The following RASGRF2 variants were observed in gnomAD, a reference collection of about 807,000 sequenced individuals.
RASGRF2 encodes ras-specific guanine nucleotide-releasing factor 2.
Under a neutral mutation model 151.0 loss-of-function variants are expected in RASGRF2, and 76 were observed. The observed-to-expected ratio is 0.50, with a 90% CI of 0.42 to 0.61. The LOEUF is 0.61. RASGRF2 is among the 20% of genes least tolerant of loss of function. The pLI, the probability that RASGRF2 is intolerant of heterozygous loss-of-function variation, is 0.00. For synonymous variants in RASGRF2, 504 were observed against 566.5 expected (o/e 0.89, Z 1.57); for missense variants, 1,148 against 1,564.6 (o/e 0.73, Z 4.49).
intron 1 of RASGRF2, among the ~76,000 whole-genome samples, chr5:80,981,203 A>G (rs542958721): frequency 6.6e-6 from 1 of 152,252 alleles, no homozygotes; most frequent in South Asian, 2.1e-4. Context: ...TTGGCTTTTC[A>G]TTGCCTAATT....
chr5:81,176,775 A>G (rs1416540048), intron 17 of RASGRF2, among the ~76,000 whole-genome samples: 4 of 152,152 alleles, frequency 2.6e-5, no homozygotes, highest in African/African-American at 9.7e-5. Context: ...AGATGGGTAT[A>G]CCATACAATA....
At chr5:81,022,238 G>T (rs1384749050) in intron 1 of RASGRF2, among the ~76,000 whole-genome samples, 2 of 152,146 alleles carry the variant, frequency 1.3e-5, no homozygotes, top group South Asian at 2.1e-4. Flanking sequence ...TTCTCTCCCA[G>T]GTCTCTCTTG....
intron 17 of RASGRF2, among the ~76,000 whole-genome samples, chr5:81,137,350 T>A (rs996542607): frequency 1.2e-4 from 19 of 152,254 alleles, no homozygotes; most frequent in African/African-American, 4.3e-4. Flanking sequence ...TTACACTTTT[T>A]TTCATTTAAG....
chr5:81,156,596 A>G (rs1251825340), intron 17 of RASGRF2, among the ~76,000 whole-genome samples: 5 of 152,232 alleles, frequency 3.3e-5, no homozygotes, highest in Non-Finnish European at 5.9e-5. Context: ...TAAAAACCGT[A>G]TGATTATCTT....
At position 81,212,572 on chromosome 5, in the gene RASGRF2, C is replaced by T. The variant is rs1159026597; in HGVS notation, c.3354+9C>T. ...CCAAGGTCTCTAAGCAGGTGAGCCT[C>T]AGCGTGTGACACAGCCTGCTGCTAA... On this transcript the variant is annotated intron_variant, in intron 23 of 26. Transcript: ENST00000265080. 1 of 1,600,342 alleles carries T rather than the reference C, an allele frequency of 6.2e-7. No homozygotes were observed. Among genetic ancestry groups the T allele is most frequent in the Non-Finnish European group, 8.5e-7 (1 of 1,172,252 alleles).
chr5:81,213,359 TCAAAGGGCC>T (rs1755666192), intron 23 of RASGRF2, among the ~76,000 whole-genome samples: 1 of 61,716 alleles, frequency 1.6e-5, no homozygotes. Flanking sequence ...GGAAAGGGCC[TCAAAGGGCC>T]TCAGGGGAAG....
At chr5:81,142,215 G>C (rs1425207228) in intron 17 of RASGRF2, among the ~76,000 whole-genome samples, 1 of 151,118 alleles carries the variant, frequency 6.6e-6, no homozygotes, top group Non-Finnish European at 1.5e-5. Context: ...AATAAGAACA[G>C]CCGGGGACTT....
At chr5:81,125,162 C>T (rs950106085) in intron 16 of RASGRF2, among the ~76,000 whole-genome samples, 1 of 152,172 alleles carries the variant, frequency 6.6e-6, no homozygotes, top group Admixed American at 6.5e-5. Context: ...GTTGAGATTA[C>T]AGGAATAAGC....
At chr5:81,162,991 T>TG (rs1229160426) in intron 17 of RASGRF2, among the ~76,000 whole-genome samples, 2 of 151,912 alleles carry the variant, frequency 1.3e-5, no homozygotes, top group Admixed American at 1.3e-4. Flanking sequence ...GTCTCTGTGG[T>TG]GGGGGGCACT....
intron 12 of RASGRF2, among the ~76,000 whole-genome samples, chr5:81,105,946 T>G (rs1460413259): frequency 6.6e-6 from 1 of 152,248 alleles, no homozygotes; most frequent in Non-Finnish European, 1.5e-5. Context: ...CTTCTCTTTA[T>G]CCTCATTTCC....
At chr5:81,197,810 C>T (rs532668321) in intron 18 of RASGRF2, among the ~76,000 whole-genome samples, 121 of 152,312 alleles carry the variant, frequency 7.9e-4, no homozygotes, top group Non-Finnish European at 1.4e-3. Context: ...AAGATATAGT[C>T]TATCAGAGTA....
chr5:81,192,011 T>C (rs1232250573), intron 18 of RASGRF2, among the ~76,000 whole-genome samples: 2 of 152,218 alleles, frequency 1.3e-5, no homozygotes, highest in Middle Eastern at 3.2e-3. Context: ...AGCCTCCCAC[T>C]TCACATCTGC....
intron 1 of RASGRF2, among the ~76,000 whole-genome samples, chr5:80,989,449 C>A (rs558483513): frequency 6.6e-6 from 1 of 152,134 alleles, no homozygotes; most frequent in Non-Finnish European, 1.5e-5. Flanking sequence ...TGATTTTGCT[C>A]ATTTCTGTTT....
At chr5:80,994,657 C>G (rs1225748234) in intron 1 of RASGRF2, among the ~76,000 whole-genome samples, 2 of 152,170 alleles carry the variant, frequency 1.3e-5, no homozygotes, top group Non-Finnish European at 2.9e-5. Flanking sequence ...GTGACTGCCT[C>G]TCCTGTGAAG....
chr5:81,114,462 T>C lies in RASGRF2; in HGVS notation c.2470+542T>C, dbSNP rs1033866625. On this transcript the variant is annotated intron_variant, in intron 15 of 26. Coordinates refer to ENST00000265080, the MANE Select transcript of RASGRF2 (RefSeq NM_006909.3). ...GCAGAGGTATAGGAGAGAAACCAAA[T>C]TGGAGACAGTGTTAATTGCTTGTGA... is the stretch of plus-strand genomic sequence containing the variant. Among the ~76,000 whole-genome samples the C allele has an allele frequency of 6.0e-4, 91 of 152,224 alleles. 1 individual carries two copies. The highest frequency in any genetic ancestry group is 4.7e-4 in the Non-Finnish European group (32 of 68,034).
In RASGRF2 at chr5:81,130,779, C is replaced by A. The variant is rs372510709; in HGVS notation, c.2686+3616C>A. Among the ~76,000 whole-genome samples, 21 of 152,158 alleles carry A rather than the reference C, an allele frequency of 1.4e-4. No individual in the cohort carries two copies. The East Asian group carries it at 4.1e-3, about 30-fold the overall frequency. ...GCAAGCAGAAGAAAGATTGCATAGA[C>A]AAATAAACACCCCATGCTTTCATCA... On this transcript the variant is annotated intron_variant, in intron 17 of 26. Coordinates refer to ENST00000265080, the MANE Select transcript of RASGRF2 (RefSeq NM_006909.3).
rs992329852 is a variant in RASGRF2 at position 81,024,224 on chromosome 5, C to T, written c.289-18653C>T. Among the ~76,000 whole-genome samples, 10 of 145,646 alleles carry T rather than the reference C, an allele frequency of 6.9e-5. No individual in the cohort carries two copies. The South Asian group carries it at 2.2e-3, about 32-fold the overall frequency. On this transcript the variant is annotated intron_variant, in intron 1 of 26. Coordinates refer to ENST00000265080, the MANE Select transcript of RASGRF2 (RefSeq NM_006909.3). ...GTAAAATTCTGCTGAAAATTTCCCT[C>T]TCCAGGACTAGAGGTATTCATATAA... is the stretch of plus-strand genomic sequence containing the variant.
intron 1 of RASGRF2, among the ~76,000 whole-genome samples, chr5:80,969,609 C>T (rs62365538): frequency 5.1e-4 from 76 of 149,546 alleles, no homozygotes; most frequent in South Asian, 1.7e-3. Context: ...CCACCACGCC[C>T]GGCTAATTTT....
intron 1 of RASGRF2, among the ~76,000 whole-genome samples, chr5:81,020,625 G>A (rs1485969142): frequency 6.6e-6 from 1 of 152,210 alleles, no homozygotes; most frequent in Non-Finnish European, 1.5e-5. Flanking sequence ...AGAAAAGAAG[G>A]TGCAGAGGAG....
Sources: gnomAD v4.1 joint callset for allele counts (sites outside exome capture counted in the v4.1 genomes callset) on GRCh38, gnomAD v4.1.1 for gene constraint, MANE v1.5 for transcripts, NCBI Gene and HGNC (gene_info 2026-07-23, HGNC 2026-07-21) for gene names.